The following DCDC2C variants were observed in gnomAD, a reference collection of about 807,000 sequenced individuals.
DCDC2C encodes doublecortin domain-containing protein 2C.
In DCDC2C, 44 loss-of-function variants were observed where a neutral mutation model predicts 45.0. The observed-to-expected ratio is 0.98, with a 90% confidence interval of 0.77 to 1.26. The LOEUF is 1.26. DCDC2C is among the 50% of genes most tolerant of loss of function. DCDC2C has a pLI of 0.00. For synonymous variants in DCDC2C, 187 were observed against 178.8 expected, an observed-to-expected ratio of 1.05 and a Z score of -0.37; for missense variants, 447 against 468.9, an observed-to-expected ratio of 0.95 and a Z score of 0.43.
chr2:3,731,120 G>T (rs1223558033), intron 3 of DCDC2C, among the ~76,000 whole-genome samples: 3 of 152,170 alleles, frequency 2.0e-5, no homozygotes, highest in African/African-American at 7.2e-5. Context: ...CCAGTTCTTG[G>T]GGGGCTAGCT....
chr2:3,733,711 T>G (rs1668941056), intron 3 of DCDC2C, among the ~76,000 whole-genome samples: 1 of 152,300 alleles, frequency 6.6e-6, no homozygotes, highest in Non-Finnish European at 1.5e-5. Flanking sequence ...ATAAGGACAC[T>G]AATCCCACTC....
chr2:3,839,121 T>C (rs1672150238), intron 10 of DCDC2C, among the ~76,000 whole-genome samples: 1 of 152,204 alleles, frequency 6.6e-6, no homozygotes, highest in Non-Finnish European at 1.5e-5. Context: ...ATCAGAGATT[T>C]TGTGAATTCA....
intron 2 of DCDC2C, among the ~76,000 whole-genome samples, chr2:3,721,653 G>A (rs185361323): frequency 5.3e-4 from 80 of 152,270 alleles, no homozygotes; most frequent in African/African-American, 1.6e-3. Context: ...CCCATGTGCC[G>A]TGGGAAGAAC....
intron 2 of DCDC2C, among the ~76,000 whole-genome samples, chr2:3,722,451 G>A (rs1668527699): frequency 6.6e-6 from 1 of 152,192 alleles, no homozygotes; most frequent in Admixed American, 6.5e-5. Context: ...CTACTGCAAT[G>A]CTTGATCCAT....
chr2:3,709,210 C>T (rs1668143543), intron 2 of DCDC2C, among the ~76,000 whole-genome samples: 1 of 152,166 alleles, frequency 6.6e-6, no homozygotes. Flanking sequence ...TGGATTATTA[C>T]ACAGGTGAGT....
chr2:3,843,582 C>T (rs2148248834), intron 10 of DCDC2C, among the ~76,000 whole-genome samples: 1 of 152,284 alleles, frequency 6.6e-6, no homozygotes, highest in Admixed American at 6.5e-5. Context: ...TGTAGTTTGG[C>T]CGGTGAAAGG....
chr2:3,770,782 T>C (rs1278983451), intron 8 of DCDC2C, among the ~76,000 whole-genome samples: 1 of 152,222 alleles, frequency 6.6e-6, no homozygotes, highest in African/African-American at 2.4e-5. Context: ...TAACTTTGCG[T>C]ATAATAAGCA....
chr2:3,762,613 A>T (rs1313455188), intron 6 of DCDC2C, among the ~76,000 whole-genome samples: 1 of 152,000 alleles, frequency 6.6e-6, no homozygotes, highest in African/African-American at 2.4e-5. Context: ...GGGAGGTACC[A>T]CACACTTAAC....
At chr2:3,805,045 T>C (rs973687279) in intron 10 of DCDC2C, among the ~76,000 whole-genome samples, 1 of 152,198 alleles carries the variant, frequency 6.6e-6, no homozygotes, top group Non-Finnish European at 1.5e-5. Flanking sequence ...ATCAAGAAAA[T>C]TGCCAAATAT....
At chr2:3,770,233 AT>A (rs1255940719) in intron 8 of DCDC2C, among the ~76,000 whole-genome samples, 1 of 152,222 alleles carries the variant, frequency 6.6e-6, no homozygotes, top group Non-Finnish European at 1.5e-5. Flanking sequence ...TTCCATTTTT[AT>A]TCCTCTAAAA....
intron 3 of DCDC2C, among the ~76,000 whole-genome samples, 191 bp from the exon 4 acceptor site, chr2:3,741,729 G>A (rs1164906990): frequency 6.6e-6 from 1 of 150,706 alleles, no homozygotes; most frequent in Non-Finnish European, 1.5e-5. Context: ...ACACGCGCGC[G>A]TCTGTCACCA....
At chr2:3,725,086 G>C (rs528388589) in intron 2 of DCDC2C, among the ~76,000 whole-genome samples, 109 of 152,286 alleles carry the variant, frequency 7.2e-4, no homozygotes, top group Non-Finnish European at 1.4e-3. Context: ...CCGACCTTCT[G>C]GGGGATGGGG....
intron 2 of DCDC2C, among the ~76,000 whole-genome samples, chr2:3,725,300 G>A (rs1668610496): frequency 6.6e-6 from 1 of 152,178 alleles, no homozygotes; most frequent in Non-Finnish European, 1.5e-5. Flanking sequence ...AGGCTGTGGG[G>A]GCTCGAGCAG....
intron 10 of DCDC2C, among the ~76,000 whole-genome samples, chr2:3,829,739 G>A (rs1022556978): frequency 3.2e-4 from 48 of 152,062 alleles, no homozygotes; most frequent in African/African-American, 1.0e-3. Flanking sequence ...TATGATTTTC[G>A]TTAAGACCAC....
intron 8 of DCDC2C, 95 bp from the exon 9 acceptor site, chr2:3,778,721 T>G: frequency 1.8e-6 from 2 of 1,112,508 alleles, no homozygotes; most frequent in Non-Finnish European, 2.6e-6. Flanking sequence ...CCCATAGAAG[T>G]GGTCTAGAAG....
chr2:3,730,549 C>A (rs1179995837), intron 3 of DCDC2C, among the ~76,000 whole-genome samples: 3 of 152,096 alleles, frequency 2.0e-5, no homozygotes, highest in Admixed American at 2.0e-4. Context: ...AAGAAGAGAG[C>A]CCCCTGCTTC....
chr2:3,839,590 T>C (rs72772903), intron 10 of DCDC2C, among the ~76,000 whole-genome samples: 43,398 of 152,084 alleles, frequency 0.29, 6,442 homozygotes, highest in South Asian at 0.44. Flanking sequence ...CACACGATTG[T>C]AATCAAAACC....
intron 10 of DCDC2C, among the ~76,000 whole-genome samples, chr2:3,803,681 A>G (rs895374598): frequency 5.9e-5 from 9 of 152,106 alleles, no homozygotes; most frequent in Non-Finnish European, 1.3e-4. Flanking sequence ...TTCTCCATCA[A>G]TCACGCCTTT....
intron 2 of DCDC2C, among the ~76,000 whole-genome samples, chr2:3,723,038 G>A (rs1182050240): frequency 6.6e-6 from 1 of 152,192 alleles, no homozygotes; most frequent in Non-Finnish European, 1.5e-5. Flanking sequence ...GGATGCAGGT[G>A]TGCATTTCCA....
Sources: gnomAD v4.1 joint callset for allele counts (sites outside exome capture counted in the v4.1 genomes callset) on GRCh38, gnomAD v4.1.1 for gene constraint, MANE v1.5 for transcripts, NCBI Gene and HGNC (gene_info 2026-07-23, HGNC 2026-07-21) for gene names.